The following WNK2 variants were observed in gnomAD, a reference collection of about 807,000 sequenced individuals.
WNK2 encodes WNK lysine deficient protein kinase 2, also known as serine/threonine-protein kinase WNK2.
A neutral mutation model predicts 192.1 loss-of-function variants in WNK2; 67 were observed. That is an observed-to-expected ratio of 0.35 (90% CI 0.29 to 0.43). The LOEUF is 0.43. Ranked by LOEUF, WNK2 falls within the 20% of genes least tolerant of loss-of-function variation. The pLI is 1.00. For synonymous variants in WNK2, 1,439 were observed against 1,393.9 expected (o/e 1.03, Z -0.72); for missense variants, 2,698 against 3,089.7 (o/e 0.87, Z 3.01).
In WNK2 at chr9:93,300,927, G is replaced by A. The variant is rs116518526; in HGVS notation, c.6214+778G>A. Among the ~76,000 whole-genome samples the A allele has an allele frequency of 8.6e-3, 1,303 of 152,258 alleles. 24 individuals are homozygous for A. Among genetic ancestry groups the A allele is most frequent in the African/African-American group, 0.03 (1,230 of 41,536 alleles). On this transcript the variant is annotated intron_variant, in intron 26 of 29. Coordinates refer to ENST00000427277, the MANE Select transcript of WNK2 (RefSeq NM_006648.4). ...TTTGGAGCATGCATCCTGCTTGGCC[G>A]GCTCCTCCTCCTCCTCCAGCCAGTG...
At chr9:93,218,255 C>T (rs1836129355) in intron 2 of WNK2, among the ~76,000 whole-genome samples, 1 of 152,152 alleles carries the variant, frequency 6.6e-6, no homozygotes, top group South Asian at 2.1e-4. Flanking sequence ...CCGCCTGCCC[C>T]ACCCCACAGG....
chr9:93,216,906 C>T (rs1439481847), intron 2 of WNK2, among the ~76,000 whole-genome samples: 1 of 151,920 alleles, frequency 6.6e-6, no homozygotes, highest in African/African-American at 2.4e-5. Flanking sequence ...TTTAGTATAT[C>T]TAAAATATTA....
intron 28 of WNK2, among the ~76,000 whole-genome samples, chr9:93,315,330 A>C (rs1247747226): frequency 6.6e-6 from 1 of 152,178 alleles, no homozygotes; most frequent in African/African-American, 2.4e-5. Context: ...GGTGTTGGCC[A>C]CTATTTCTGC....
rs746821287 is a variant in WNK2 at position 93,268,853 on chromosome 9, G to T, written c.4033+107G>T. 3.8e-6 allele frequency: 6 copies of T among 1,574,238 alleles called. No homozygotes were observed. In the African/African-American group the frequency reaches 5.4e-5, roughly 14 times the overall value. On this transcript the variant is annotated intron_variant, in intron 19 of 29. Coordinates refer to ENST00000427277, the MANE Select transcript of WNK2 (RefSeq NM_006648.4). ...CCCCGTGCCCAGGTCCATGCAGGGGGCTCACCCTGCCCTGTCTCCCATGGC... is the reference window on the plus strand; with the variant it reads ...CCCCGTGCCCAGGTCCATGCAGGGGTCTCACCCTGCCCTGTCTCCCATGGC...
intron 19 of WNK2, among the ~76,000 whole-genome samples, chr9:93,278,236 T>G (rs1378122486): frequency 2.0e-5 from 3 of 151,974 alleles, no homozygotes; most frequent in Non-Finnish European, 4.4e-5. Context: ...GAGACCCAAA[T>G]GTCAAGAATT....
rs746559407 is a variant in WNK2, at chr9:93,292,829, G to A, written c.5364G>A (p.Val1788=). 24 of 1,510,354 alleles carry A rather than the reference G, an allele frequency of 1.6e-5. No individual in the cohort carries two copies. The African/African-American group carries it at 3.2e-4, about 20-fold the overall frequency. The allele number at this position is 1,510,354 out of a possible 1,614,324, so 93.6% of individuals were successfully genotyped here. The change falls in exon 23 of 30, where the codon GTG becomes GTA. Residue 1788 remains valine, a synonymous_variant. Transcript: ENST00000427277. ...APSSPDVKLA[V]RRAQTASSIE... The stretch of plus-strand genomic sequence containing the variant: ...CCAGCCCCGACGTGAAGCTGGCAGT[G>A]CGGCGGGCGCAGACGGCCTCCTCCA...
chr9:93,298,652 G>T lies in WNK2; in HGVS notation c.5924-418G>T, dbSNP rs144671189. 7.3e-3 allele frequency among the ~76,000 whole-genome samples: 1,113 copies of T among 152,262 alleles called. 13 individuals are homozygous for T. The highest frequency in any genetic ancestry group is 0.026 in the African/African-American group (1,064 of 41,532). ...CCTGGCAGTCTGGGATGGAGCCCCT[G>T]TGAGCCCAAGTCCCCAAGCATGCCA... is the stretch of plus-strand genomic sequence containing the variant. On this transcript the variant is annotated intron_variant, in intron 24 of 29. Transcript: ENST00000427277.
At chr9:93,198,537 C>T (rs758917481) in intron 2 of WNK2, among the ~76,000 whole-genome samples, 27 of 151,978 alleles carry the variant, frequency 1.8e-4, no homozygotes, top group Admixed American at 9.2e-4. Context: ...GGAGTGTGCC[C>T]GGGCATTGGG....
intron 2 of WNK2, among the ~76,000 whole-genome samples, chr9:93,217,809 C>G (rs1836021234): frequency 6.6e-6 from 1 of 152,236 alleles, no homozygotes; most frequent in South Asian, 2.1e-4. Context: ...GCCTTGAATC[C>G]TAGTAGCCTG....
intron 2 of WNK2, among the ~76,000 whole-genome samples, chr9:93,209,369 T>C (rs1398004913): frequency 6.6e-6 from 1 of 152,186 alleles, no homozygotes; most frequent in Non-Finnish European, 1.5e-5. Flanking sequence ...AGCTGTGGGC[T>C]GGGGCTGCTT....
rs762492279 is a variant in WNK2, at chr9:93,229,777, G to C, written c.763G>C (p.Val255Leu). The C allele has an allele frequency of 6.2e-7, 1 of 1,613,852 alleles. No homozygotes were observed. The highest frequency in any genetic ancestry group is 8.5e-7 in the Non-Finnish European group (1 of 1,179,852). Residue 255 changes from valine to leucine, a missense_variant, in exon 3 of 30, where the codon GTG (valine) becomes CTG (leucine). Val to Leu is a conservative substitution (Grantham distance 32). Around this residue, in one of 7 missense-constraint regions of WNK2, gnomAD observed 230 missense variants for 501.1 expected, o/e 0.46. Coordinates refer to ENST00000427277, the MANE Select transcript of WNK2 (RefSeq NM_006648.4). This position sits in a 1 kb window ranked among gnomAD's most constrained non-coding sequence, Gnocchi z 4.9. ...MLKGLQHPNI[V>L]RFYDFWESSA... ...GAAAGGCCTGCAGCACCCCAACATC[G>C]TGCGCTTCTACGACTTCTGGGAGTC...
At chr9:93,267,947 G>T (rs751139094) in intron 17 of WNK2, 31 bp downstream of exon 17, 4 of 1,610,814 alleles carry the variant, frequency 2.5e-6, no homozygotes, top group Non-Finnish European at 3.4e-6. Context: ...GTGGGAGGTG[G>T]TGAGAGTGCA....
At chr9:93,203,625 A>G (rs957360824) in intron 2 of WNK2, among the ~76,000 whole-genome samples, 1 of 152,128 alleles carries the variant, frequency 6.6e-6, no homozygotes, top group Non-Finnish European at 1.5e-5. Flanking sequence ...TAAGTTAAGT[A>G]TCTTGAGACT....
At chr9:93,187,576 T>G (rs1434301004) in intron 2 of WNK2, among the ~76,000 whole-genome samples, 1 of 152,156 alleles carries the variant, frequency 6.6e-6, no homozygotes, top group East Asian at 1.9e-4. Flanking sequence ...AATAGCCCCC[T>G]TTGCTGAGAA....
chr9:93,308,905 G>GT, intron 28 of WNK2: 1 of 1,195,806 alleles, frequency 8.4e-7, no homozygotes, highest in Non-Finnish European at 1.0e-6. Flanking sequence ...AGGTAGCCCT[G>GT]GTCTTGGCAG....
In WNK2 at chr9:93,185,318, C is replaced by T; in HGVS notation, c.389C>T (p.Ala130Val). The change falls in exon 2 of 30, where the codon GCA becomes GTA. Residue 130 changes from alanine to valine, a missense_variant. Ala to Val is a moderately conservative substitution (Grantham distance 64). This residue lies in a region of WNK2 where 260 missense variants were observed against 285.6 expected (regional missense o/e 0.91). Coordinates refer to ENST00000427277, the MANE Select transcript of WNK2 (RefSeq NM_006648.4). ...CAGGAGCCCGGCCCGGACCCCATCGCAGCCGCTGTCGAAACCGCGCCTGCC... is the reference window on the plus strand; with the variant it reads ...CAGGAGCCCGGCCCGGACCCCATCGTAGCCGCTGTCGAAACCGCGCCTGCC... The part of the protein sequence containing the change: ...GTQEPGPDPI[A>V]AAVETAPAPD... 2 of 1,518,814 alleles carry T rather than the reference C, an allele frequency of 1.3e-6. No individual in the cohort carries two copies. The highest frequency in any genetic ancestry group is 2.4e-5 in the South Asian group (2 of 81,678). The allele number at this position is 1,518,814 out of a possible 1,614,324, so 94.1% of individuals were successfully genotyped here.
At position 93,317,608 on chromosome 9, in the gene WNK2, C is replaced by G. The variant is rs377748076; in HGVS notation, c.6605C>G (p.Pro2202Arg). The change falls in exon 29 of 30, where the codon CCG becomes CGG. Residue 2202 changes from proline to arginine, a missense_variant. Pro to Arg is a moderately radical substitution (Grantham distance 103). This residue lies in a region of WNK2 where 167 missense variants were observed against 184.2 expected (regional missense o/e 0.91). Coordinates refer to ENST00000427277, the MANE Select transcript of WNK2 (RefSeq NM_006648.4). ...LSTTVIPGAA[P>R]TLSVPTPDPE... ...ACCACGGTCATTCCCGGAGCCGCCC[C>G]GACCCTGTCCGTGCCCACACCAGGT... 1 of 1,613,076 alleles carries G rather than the reference C, an allele frequency of 6.2e-7. No individual in the cohort carries two copies. Among genetic ancestry groups the G allele is most frequent in the Admixed American group, 1.7e-5 (1 of 60,016 alleles).
chr9:93,211,131 T>C (rs62571720), intron 2 of WNK2, among the ~76,000 whole-genome samples: 1,173 of 7,748 alleles, frequency 0.15, 24 homozygotes, highest in Middle Eastern at 0.23. Flanking sequence ...TCCCCTCACT[T>C]ACTCATCCAC....
In WNK2 at chr9:93,261,303, T is replaced by C. The variant is rs373111675; in HGVS notation, c.3067-511T>C. 1.2e-4 allele frequency among the ~76,000 whole-genome samples: 19 copies of C among 152,356 alleles called. No individual in the cohort carries two copies. In the South Asian group the frequency reaches 2.1e-3, roughly 17 times the overall value. ...CTTGCACTTTCCAATCCATGGTTCC[T>C]CCTTCCCCACTTGTCTTACCTTTTA... is the stretch of plus-strand genomic sequence containing the variant. On this transcript the variant is annotated intron_variant, in intron 12 of 29. Transcript: ENST00000427277.
Sources: allele counts gnomAD v4.1 joint callset (sites outside exome capture counted in the v4.1 genomes callset), GRCh38; gene constraint gnomAD v4.1.1; regional missense constraint gnomAD v4.1.1; non-coding constraint Gnocchi (gnomAD v3.1); transcripts MANE v1.5; gene names NCBI Gene and HGNC (gene_info 2026-07-23, HGNC 2026-07-21).